Variants in SERPINI2 observed in about 807,000 individuals in gnomAD.
SERPINI2 encodes serpin family I member 2.
A neutral mutation model predicts 47.3 loss-of-function variants in SERPINI2; 48 were observed. The observed-to-expected ratio is 1.02, with a 90% CI of 0.81 to 1.29. The LOEUF (loss-of-function observed/expected upper bound fraction) is 1.29. Ranked by LOEUF, SERPINI2 falls within the 50% of genes most tolerant of loss-of-function variation. SERPINI2 has a pLI of 0.00. For missense variants in SERPINI2, 448 were observed against 456.9 expected (o/e 0.98, Z 0.18); for synonymous variants, 135 against 149.3 (o/e 0.90, Z 0.70).
chr3:167,442,665 T>C (rs968685970), intron 8 of SERPINI2, among the ~76,000 whole-genome samples: 9 of 152,206 alleles, frequency 5.9e-5, no homozygotes, highest in Non-Finnish European at 1.2e-4. Flanking sequence ...TTACCTCCAA[T>C]GACAATATTT....
chr3:167,459,105 C>T (rs1440900805), intron 5 of SERPINI2, among the ~76,000 whole-genome samples: 1 of 145,840 alleles, frequency 6.9e-6, no homozygotes, highest in African/African-American at 2.6e-5. Context: ...GACGGAGTCT[C>T]GCTCTGTCGC....
intron 8 of SERPINI2, 27 bp downstream of exon 8, chr3:167,446,364 TC>T: frequency 1.4e-6 from 2 of 1,443,940 alleles, no homozygotes; most frequent in Non-Finnish European, 9.7e-7. Flanking sequence ...CATAATCAGT[TC>T]CCCCAAATAA....
At chr3:167,459,699 C>CA in intron 5 of SERPINI2, among the ~76,000 whole-genome samples, 1 of 143,014 alleles carries the variant, frequency 7.0e-6, no homozygotes, top group East Asian at 2.0e-4. Flanking sequence ...TTTTTTTTGG[C>CA]ATATACTAAC....
exon 5 of SERPINI2, chr3:167,465,285 C>T (rs777862293): frequency 5.0e-6 from 8 of 1,612,958 alleles, no homozygotes; most frequent in Non-Finnish European, 5.9e-6. Context: ...ATTAGTTTTT[C>T]CACTTCTTCT....
intron 2 of SERPINI2, chr3:167,469,647 C>CA (rs1168779351): frequency 6.6e-6 from 1 of 151,954 alleles, no homozygotes; most frequent in African/African-American, 2.4e-5. Flanking sequence ...AGAGGTAAAG[C>CA]AAAAGGGAGT....
At chr3:167,461,212 TG>T (rs1435071249) in intron 5 of SERPINI2, among the ~76,000 whole-genome samples, 1 of 152,066 alleles carries the variant, frequency 6.6e-6, no homozygotes, top group Admixed American at 6.6e-5. Flanking sequence ...GTTTCTAGTT[TG>T]GTATTGACTG....
At chr3:167,471,269 A>G (rs993251209) in intron 2 of SERPINI2, among the ~76,000 whole-genome samples, 1 of 152,146 alleles carries the variant, frequency 6.6e-6, no homozygotes, top group Non-Finnish European at 1.5e-5. Context: ...ATGAGTATGT[A>G]CATACACACA....
chr3:167,471,452 T>C (rs530765187), intron 2 of SERPINI2, 136 bp downstream of exon 2: 1 of 795,856 alleles, frequency 1.3e-6, no homozygotes, highest in Non-Finnish European at 1.9e-6. Context: ...CATTTACAAT[T>C]CTCCATTTTA....
intron 5 of SERPINI2, among the ~76,000 whole-genome samples, chr3:167,458,395 C>T (rs1163760126): frequency 2.7e-5 from 4 of 150,328 alleles, no homozygotes; most frequent in African/African-American, 7.3e-5. Context: ...GGACTACAGG[C>T]GCCTGCCACC....
Position 167,464,009 on chromosome 3 carries a change from C to CTTTTTTTTTTTTT in SERPINI2, c.866+1184_866+1196dup, listed in dbSNP as rs555948215. ...TGCAGTAGTTGAAGAACAGGAGTGG[C>CTTTTTTTTTTTTT]TTTTTTTTTTTTTTTTTTTTTGGAT... On this transcript the variant is annotated intron_variant, in intron 5 of 8. Transcript: ENST00000264677. Among the ~76,000 whole-genome samples the CTTTTTTTTTTTTT allele has an allele frequency of 2.4e-4, 22 of 93,262 alleles. 2 individuals carry two copies. The highest frequency in any genetic ancestry group is 3.5e-4 in the Non-Finnish European group (17 of 48,410). The allele number at this position is 93,262 out of a possible 152,430, so 61.2% of individuals were successfully genotyped here. A position where few individuals can be genotyped will look rare whatever the true frequency, so the allele number is the denominator to read the frequency against.
intron 5 of SERPINI2, among the ~76,000 whole-genome samples, chr3:167,456,005 T>A (rs1577171388): frequency 6.6e-6 from 1 of 152,100 alleles, no homozygotes; most frequent in African/African-American, 2.4e-5. Flanking sequence ...ACCATATCAC[T>A]TGTACTGTTC....
At chr3:167,444,157 A>G (rs2108148456) in intron 8 of SERPINI2, among the ~76,000 whole-genome samples, 2 of 152,270 alleles carry the variant, frequency 1.3e-5, no homozygotes, top group East Asian at 3.9e-4. Flanking sequence ...AGTCCTGTCA[A>G]TTTCAAAATC....
intron 2 of SERPINI2, among the ~76,000 whole-genome samples, chr3:167,468,463 C>G (rs1750210067): frequency 6.6e-6 from 1 of 152,082 alleles, no homozygotes; most frequent in Non-Finnish European, 1.5e-5. Flanking sequence ...AGCTGGGTTA[C>G]AGAGGCTACA....
At chr3:167,476,699 G>T (rs896822346), upstream of SERPINI2, among the ~76,000 whole-genome samples, 3 of 151,998 alleles carry the variant, frequency 2.0e-5, no homozygotes, top group Non-Finnish European at 2.9e-5. Flanking sequence ...GGCTCATTTA[G>T]TATTGGCTTA....
At chr3:167,442,019 G>A (rs547193658) in exon 9 of SERPINI2, 29 of 962,268 alleles carry the variant, frequency 3.0e-5, no homozygotes, top group Non-Finnish European at 4.1e-5. Context: ...AAAGACATAA[G>A]ATATAGAGCA....
At chr3:167,473,825 C>A in intron 1 of SERPINI2, 178 bp downstream of exon 1, 2 of 1,392,754 alleles carry the variant, frequency 1.4e-6, no homozygotes, top group South Asian at 1.7e-5. Flanking sequence ...AGAACTGGAT[C>A]TTCTGATTTG....
At chr3:167,455,889 G>A (rs949766563) in intron 5 of SERPINI2, among the ~76,000 whole-genome samples, 1 of 152,134 alleles carries the variant, frequency 6.6e-6, no homozygotes, top group Non-Finnish European at 1.5e-5. Flanking sequence ...GCACAGCACT[G>A]AAGGGGGAAA....
chr3:167,448,964 T>C (rs1221449210), intron 7 of SERPINI2, among the ~76,000 whole-genome samples: 1 of 152,158 alleles, frequency 6.6e-6, no homozygotes, highest in Non-Finnish European at 1.5e-5. Flanking sequence ...TGAAATAAAA[T>C]ACAATTACGT....
At chr3:167,455,383 C>T (rs1749754838) in intron 5 of SERPINI2, among the ~76,000 whole-genome samples, 1 of 152,050 alleles carries the variant, frequency 6.6e-6, no homozygotes, top group Non-Finnish European at 1.5e-5. Flanking sequence ...TTAAGAATGA[C>T]CTACTTCTGG....
Sources: gnomAD v4.1 joint callset for allele counts (sites outside exome capture counted in the v4.1 genomes callset) on GRCh38, gnomAD v4.1.1 for gene constraint, MANE v1.5 for transcripts, NCBI Gene and HGNC (gene_info 2026-07-23, HGNC 2026-07-21) for gene names.